LRRTM4: variants seen among roughly 807,000 people sequenced by gnomAD.
The protein encoded by LRRTM4 is leucine rich repeat transmembrane neuronal 4.
Under a neutral mutation model 47.6 loss-of-function variants are expected in LRRTM4, and 25 were observed. The ratio of observed to expected loss-of-function variants is 0.53; its 90% CI spans 0.38 to 0.73. LRRTM4 has a LOEUF of 0.73. LRRTM4 is among the 30% of genes least tolerant of loss of function. LRRTM4 has a pLI of 0.00. For synonymous variants in LRRTM4, 311 were observed against 269.5 expected (o/e 1.15, Z -1.51); for missense variants, 638 against 713.4 (o/e 0.89, Z 1.20).
At chr2:76,770,868 C>T (rs1478341980) in intron 3 of LRRTM4, among the ~76,000 whole-genome samples, 1 of 152,162 alleles carries the variant, frequency 6.6e-6, no homozygotes, top group Non-Finnish European at 1.5e-5. Context: ...TCTAGGTCAA[C>T]TAAGTACTCA....
At chr2:77,442,678 ACTGT>A (rs1208716313) in intron 3 of LRRTM4, among the ~76,000 whole-genome samples, 1 of 152,200 alleles carries the variant, frequency 6.6e-6, no homozygotes, top group African/African-American at 2.4e-5. Context: ...ATTTGTTGGT[ACTGT>A]CTATGTTTCA....
At chr2:77,299,847 AT>A (rs145008759) in intron 3 of LRRTM4, among the ~76,000 whole-genome samples, 1,362 of 114,124 alleles carry the variant, frequency 0.012, 5 homozygotes, top group African/African-American at 0.035. Context: ...TAAGGTAATG[AT>A]TTTTTTTTTT....
At chr2:77,013,402 G>A (rs1325422355) in intron 3 of LRRTM4, among the ~76,000 whole-genome samples, 1 of 152,070 alleles carries the variant, frequency 6.6e-6, no homozygotes, top group Non-Finnish European at 1.5e-5. Context: ...CTTTACCCCT[G>A]AGATTACCAC....
intron 3 of LRRTM4, among the ~76,000 whole-genome samples, chr2:76,850,627 A>C (rs1671964701): frequency 6.6e-6 from 1 of 152,190 alleles, no homozygotes; most frequent in Non-Finnish European, 1.5e-5. Flanking sequence ...GGTACTTTGC[A>C]CACAGTAGGA....
At chr2:76,967,534 C>T (rs1029227924) in intron 3 of LRRTM4, among the ~76,000 whole-genome samples, 1 of 151,518 alleles carries the variant, frequency 6.6e-6, no homozygotes. Context: ...GCTTTTTTAA[C>T]CTGCTGCATA....
At chr2:77,204,366 CA>C (rs1674061662) in intron 3 of LRRTM4, among the ~76,000 whole-genome samples, 1 of 151,756 alleles carries the variant, frequency 6.6e-6, no homozygotes, top group African/African-American at 2.4e-5. Flanking sequence ...ATGATGATGA[CA>C]ATGATGATGA....
chr2:76,867,955 A>C (rs1490117409), intron 3 of LRRTM4, among the ~76,000 whole-genome samples: 1 of 152,160 alleles, frequency 6.6e-6, no homozygotes, highest in Non-Finnish European at 1.5e-5. Context: ...AATGTTCTAG[A>C]GAGATCAATT....
chr2:77,388,161 T>A (rs290031), intron 3 of LRRTM4, among the ~76,000 whole-genome samples: 69,872 of 147,258 alleles, frequency 0.47, 16,322 homozygotes, highest in East Asian at 0.62. Flanking sequence ...CTTCAATCTT[T>A]AAAAAAAAAA....
At chr2:77,111,551 T>G (rs1161324692) in intron 3 of LRRTM4, among the ~76,000 whole-genome samples, 1 of 152,140 alleles carries the variant, frequency 6.6e-6, no homozygotes, top group Non-Finnish European at 1.5e-5. Flanking sequence ...TTGCACACTG[T>G]TATGAGTAGG....
chr2:77,304,638 T>C (rs145519340), intron 3 of LRRTM4, among the ~76,000 whole-genome samples: 5 of 152,144 alleles, frequency 3.3e-5, no homozygotes, highest in Admixed American at 2.6e-4. Context: ...CTATCAGTTA[T>C]GTGTACTAAT....
intron 3 of LRRTM4, among the ~76,000 whole-genome samples, chr2:77,468,174 G>T (rs1314469390): frequency 6.6e-6 from 1 of 152,030 alleles, no homozygotes; most frequent in Non-Finnish European, 1.5e-5. Flanking sequence ...GAAACTAAAG[G>T]ATAGGAAAAT....
intron 3 of LRRTM4, among the ~76,000 whole-genome samples, chr2:77,447,188 A>G (rs1195774515): frequency 6.7e-6 from 1 of 148,994 alleles, no homozygotes; most frequent in African/African-American, 2.5e-5. Context: ...AACTCCAAGT[A>G]TAGTCAGTTC....
chr2:77,120,247 C>T (rs1671491644), intron 3 of LRRTM4, among the ~76,000 whole-genome samples: 1 of 151,708 alleles, frequency 6.6e-6, no homozygotes, highest in Non-Finnish European at 1.5e-5. Flanking sequence ...CATGGGGAAC[C>T]ATCTAGATAT....
intron 3 of LRRTM4, among the ~76,000 whole-genome samples, chr2:77,240,307 T>C (rs1371837150): frequency 6.6e-6 from 1 of 151,914 alleles, no homozygotes; most frequent in African/African-American, 2.4e-5. Flanking sequence ...AAAAACCATA[T>C]GACCATCTCA....
At chr2:77,324,642 T>C (rs1469270827) in intron 3 of LRRTM4, among the ~76,000 whole-genome samples, 3 of 152,156 alleles carry the variant, frequency 2.0e-5, no homozygotes, top group African/African-American at 7.2e-5. Context: ...GTATGGAATT[T>C]ATATGGTTAG....
chr2:77,338,420 T>C (rs939279027), intron 3 of LRRTM4, among the ~76,000 whole-genome samples: 1 of 151,884 alleles, frequency 6.6e-6, no homozygotes, highest in Non-Finnish European at 1.5e-5. Context: ...CATTAAAAAC[T>C]GGGCAAAGAA....
chr2:76,989,481 A>T (rs1216577788), intron 3 of LRRTM4, among the ~76,000 whole-genome samples: 1 of 151,908 alleles, frequency 6.6e-6, no homozygotes, highest in African/African-American at 2.4e-5. Flanking sequence ...CATATGTTGG[A>T]TATAGTACCA....
At chr2:77,159,786 AC>A (rs200966408) in intron 3 of LRRTM4, among the ~76,000 whole-genome samples, 2,558 of 152,046 alleles carry the variant, frequency 0.017, 74 homozygotes, top group African/African-American at 0.058. Context: ...TTTCTGTATG[AC>A]TTTTTTGCTT....
chr2:76,904,110 G>C (rs187523864), intron 3 of LRRTM4, among the ~76,000 whole-genome samples: 114 of 152,310 alleles, frequency 7.5e-4, no homozygotes, highest in Middle Eastern at 3.4e-3. Context: ...ATGGAGGAGA[G>C]AAGTTACTTC....
Sources: allele counts gnomAD v4.1 joint callset (sites outside exome capture counted in the v4.1 genomes callset), GRCh38; gene constraint gnomAD v4.1.1; transcripts MANE v1.5; gene names NCBI Gene and HGNC (gene_info 2026-07-23, HGNC 2026-07-21).